The following BMERB1 variants were observed in gnomAD, a reference collection of about 807,000 sequenced individuals.
BMERB1 encodes bMERB domain containing 1.
In BMERB1, 12 loss-of-function variants were observed where a neutral mutation model predicts 23.6. That is an observed-to-expected ratio of 0.51 (90% confidence interval 0.33 to 0.82). The LOEUF is 0.82. Among genes scored for constraint, BMERB1 ranks in the 40% least tolerant of loss-of-function variants. The pLI, the probability that BMERB1 is intolerant of heterozygous loss-of-function variation, is 0.03. For missense variants in BMERB1, 247 were observed against 255.4 expected, an observed-to-expected ratio of 0.97 and a Z score of 0.22; for synonymous variants, 122 against 96.6, an observed-to-expected ratio of 1.26 and a Z score of -1.54.
chr16:15,456,726 C>G (rs2051090198), intron 1 of BMERB1, among the ~76,000 whole-genome samples: 1 of 152,080 alleles, frequency 6.6e-6, no homozygotes, highest in African/African-American at 2.4e-5. Context: ...TTAATTAATT[C>G]TTTATTGATG....
At chr16:15,574,786 C>T (rs945616689) in intron 3 of BMERB1, among the ~76,000 whole-genome samples, 8 of 152,060 alleles carry the variant, frequency 5.3e-5, no homozygotes, top group Non-Finnish European at 1.2e-4. Context: ...GTTTAAAAAT[C>T]GGGGGTCAAG....
chr16:15,563,520 GA>G (rs892486174), intron 2 of BMERB1, among the ~76,000 whole-genome samples: 2 of 151,476 alleles, frequency 1.3e-5, no homozygotes, highest in Admixed American at 6.6e-5. Context: ...TGCCCAGCCA[GA>G]AAAAAAAATT....
intron 1 of BMERB1, among the ~76,000 whole-genome samples, chr16:15,491,995 C>T (rs931128572): frequency 5.9e-5 from 9 of 152,124 alleles, no homozygotes; most frequent in African/African-American, 2.2e-4. Flanking sequence ...TAGAATATTG[C>T]CTGGTGTGTG....
intron 2 of BMERB1, among the ~76,000 whole-genome samples, chr16:15,517,654 A>G (rs1377602889): frequency 6.8e-6 from 1 of 146,742 alleles, no homozygotes; most frequent in Non-Finnish European, 1.5e-5. Context: ...TTAAAAATAT[A>G]TATTTATTTT....
At chr16:15,445,148 C>T (rs1245533595) in intron 1 of BMERB1, among the ~76,000 whole-genome samples, 1 of 152,140 alleles carries the variant, frequency 6.6e-6, no homozygotes, top group Non-Finnish European at 1.5e-5. Context: ...CTGTCTTGGC[C>T]TCCCGAAGTG....
chr16:15,520,015 C>T (rs2051830186), intron 2 of BMERB1, among the ~76,000 whole-genome samples: 1 of 152,124 alleles, frequency 6.6e-6, no homozygotes, highest in African/African-American at 2.4e-5. Context: ...CCCGCGGGCA[C>T]TGATATGCCA....
chr16:15,553,079 C>T (rs2030142268), intron 2 of BMERB1, among the ~76,000 whole-genome samples: 1 of 152,188 alleles, frequency 6.6e-6, no homozygotes, highest in Non-Finnish European at 1.5e-5. Context: ...ACGATCTCAG[C>T]TCACTGAAAC....
intron 2 of BMERB1, among the ~76,000 whole-genome samples, chr16:15,546,857 C>T (rs1567493596): frequency 6.6e-6 from 1 of 152,118 alleles, no homozygotes; most frequent in Non-Finnish European, 1.5e-5. Flanking sequence ...GGAGTTTCTT[C>T]ACACCCCCAA....
At chr16:15,517,586 TA>T (rs199511729) in intron 2 of BMERB1, among the ~76,000 whole-genome samples, 25 of 149,102 alleles carry the variant, frequency 1.7e-4, no homozygotes, top group African/African-American at 3.9e-4. Context: ...TCCCTTTGTT[TA>T]AAAAAAAAAC....
intron 1 of BMERB1, among the ~76,000 whole-genome samples, chr16:15,454,030 A>G (rs1221903722): frequency 6.6e-6 from 1 of 151,572 alleles, no homozygotes; most frequent in Non-Finnish European, 1.5e-5. Flanking sequence ...GACAAGTTGT[A>G]CTTTGGGATC....
chr16:15,455,898 A>C (rs554750967), intron 1 of BMERB1, among the ~76,000 whole-genome samples: 1 of 152,314 alleles, frequency 6.6e-6, no homozygotes, highest in African/African-American at 2.4e-5. Context: ...TGTTCTTTGA[A>C]AGGTCCGTCG....
In BMERB1 at chr16:15,568,029, G is replaced by A. The variant is rs1158357470; in HGVS notation, c.277G>A (p.Glu93Lys). The change falls in exon 3 of 6, where the codon GAG (glutamate) becomes AAG (lysine). Residue 93 changes from glutamate to lysine, a missense_variant. By Grantham distance (56) the Glu-to-Lys change is moderately conservative. Coordinates refer to ENST00000300006, the MANE Select transcript of BMERB1 (RefSeq NM_033201.3). ...LCKDIMDLKQ[E>K]LQNLVAIPEK... Reference sequence around the variant, plus strand: ...CAAGGACATCATGGACTTGAAGCAGGAGCTGCAGAACTTGGTCGCCATCCC... The same window carrying A: ...CAAGGACATCATGGACTTGAAGCAGAAGCTGCAGAACTTGGTCGCCATCCC... 15 of 1,613,944 alleles carry A rather than the reference G, an allele frequency of 9.3e-6. No individual in the cohort carries two copies. Among genetic ancestry groups the A allele is most frequent in the Non-Finnish European group, 1.1e-5 (13 of 1,179,944 alleles).
intron 1 of BMERB1, among the ~76,000 whole-genome samples, chr16:15,455,763 T>C (rs950611575): frequency 2.6e-5 from 4 of 152,094 alleles, no homozygotes; most frequent in African/African-American, 4.8e-5. Context: ...CGCCTGGCCA[T>C]GTTAACTATA....
intron 2 of BMERB1, among the ~76,000 whole-genome samples, chr16:15,540,204 T>A (rs2052065499): frequency 6.6e-6 from 1 of 151,898 alleles, no homozygotes. Context: ...GCATTTATGG[T>A]GATGTAAAAA....
At chr16:15,519,529 TACAGGTGCCCACC>T (rs1437813104) in intron 2 of BMERB1, among the ~76,000 whole-genome samples, 1 of 152,182 alleles carries the variant, frequency 6.6e-6, no homozygotes, top group Non-Finnish European at 1.5e-5. Flanking sequence ...TAGCTGAGAC[TACAGGTGCCCACC>T]ACCATGCCCA....
rs781459498 is a variant in BMERB1, at chr16:15,587,614, G to A, written c.*785G>A. 8 of 430,546 alleles carry A rather than the reference G, an allele frequency of 1.9e-5. No homozygotes were observed. The highest frequency in any genetic ancestry group is 3.3e-5 in the Non-Finnish European group (7 of 210,318). 26.7% of individuals were successfully genotyped at this position (430,546 alleles called of 1,614,324 possible). A position where few individuals can be genotyped will look rare whatever the true frequency, so the allele number is the denominator to read the frequency against. On this transcript the variant is annotated 3_prime_UTR_variant, in exon 6 of 6. Transcript: ENST00000300006. ...CCAGAGCAGTTGAGAATGGGACCCA[G>A]AGTAGATGCTGACCTGGGCACTCCA...
chr16:15,528,927 T>C (rs994264376), intron 2 of BMERB1, among the ~76,000 whole-genome samples: 1 of 152,074 alleles, frequency 6.6e-6, no homozygotes, highest in South Asian at 2.1e-4. Context: ...GAGAACTCAC[T>C]ATCTATGAGG....
chr16:15,474,172 C>G (rs1037126537), intron 1 of BMERB1, among the ~76,000 whole-genome samples: 1 of 137,580 alleles, frequency 7.3e-6, no homozygotes, highest in African/African-American at 2.6e-5. Flanking sequence ...CAAGATTTTT[C>G]TTTTTTTTTT....
chr16:15,496,430 G>A (rs1192772098), intron 1 of BMERB1, among the ~76,000 whole-genome samples: 6 of 152,152 alleles, frequency 3.9e-5, no homozygotes, highest in South Asian at 2.1e-4. Flanking sequence ...AACAGGTAAT[G>A]AAGACTGAGG....
Sources: allele counts gnomAD v4.1 joint callset (sites outside exome capture counted in the v4.1 genomes callset), GRCh38; gene constraint gnomAD v4.1.1; transcripts MANE v1.5; gene names NCBI Gene and HGNC (gene_info 2026-07-23, HGNC 2026-07-21).